The following XPA variants were observed in gnomAD, a reference collection of about 807,000 sequenced individuals.
XPA encodes the protein DNA repair protein complementing XP-A cells.
XPA carries 27 observed loss-of-function variants against 35.7 expected under a neutral mutation model. The observed-to-expected ratio is 0.76, with a 90% confidence interval of 0.56 to 1.04. The LOEUF is 1.04. Ranked by LOEUF, XPA falls within the 50% of genes least tolerant of loss-of-function variation. The probability of loss-of-function intolerance (pLI) is 0.00; values close to 1 mark genes in which losing one functional copy is unlikely to be tolerated. For synonymous variants in XPA, 133 were observed against 118.4 expected (o/e 1.12, Z -0.80); for missense variants, 354 against 342.7 (o/e 1.03, Z -0.26).
chr9:97,684,133 T>C (rs1189366997), intron 5 of XPA, among the ~76,000 whole-genome samples: 1 of 152,222 alleles, frequency 6.6e-6, no homozygotes, highest in Non-Finnish European at 1.5e-5. Context: ...ACTATCATGG[T>C]ACCTAGCACA....
At chr9:97,676,896 T>C (rs1054336226) in intron 5 of XPA, among the ~76,000 whole-genome samples, 1 of 152,222 alleles carries the variant, frequency 6.6e-6, no homozygotes, top group East Asian at 1.9e-4. Flanking sequence ...TCCTCTCATA[T>C]TCTGAAGACC....
chr9:97,666,394 A>T, the XPA span, among the ~76,000 whole-genome samples: 1 of 152,180 alleles, frequency 6.6e-6, no homozygotes, highest in Admixed American at 6.5e-5. Flanking sequence ...ATTTTGAGAA[A>T]ATTTCTACAC....
rs534037876 is a variant in XPA, at chr9:97,681,223, C to T, written c.673+3700G>A. On this transcript the variant is annotated intron_variant, in intron 5 of 5. Coordinates refer to ENST00000375128, the MANE Select transcript of XPA (RefSeq NM_000380.4). ...GGTAAATTTAAAAGACAACTAGCTG[C>T]GAGAGACAAGATACTTCTAAATACT... is the stretch of plus-strand genomic sequence containing the variant. 9.0e-4 allele frequency among the ~76,000 whole-genome samples: 137 copies of T among 152,132 alleles called. No individual in the cohort carries two copies. The South Asian group carries it at 0.026, about 29-fold the overall frequency.
rs1188847886 is a variant in XPA at position 97,675,570 on chromosome 9, T to TTAC, written c.688_690dup (p.Val230dup). The TTAC allele has an allele frequency of 1.9e-6, 3 of 1,614,034 alleles. No individual in the cohort carries two copies. The Admixed American group carries it at 5.0e-5, about 27-fold the overall frequency. ...GTCTCCCTTTTCCACACGCTGCTTC[T>TTAC]TACTGCTCGCCGCAATTCTGAAAAA... On this transcript the variant is annotated inframe_insertion, in exon 6 of 6. Transcript: ENST00000375128.
downstream of XPA, chr9:97,671,184 T>TG: frequency 6.2e-7 from 1 of 1,609,306 alleles, no homozygotes; most frequent in Non-Finnish European, 8.5e-7. Context: ...AGCAGTTCTG[T>TG]GCCCTGCAGG....
the XPA span, chr9:97,662,199 C>A: frequency 7.9e-7 from 1 of 1,259,530 alleles, no homozygotes; most frequent in Non-Finnish European, 1.2e-6. Flanking sequence ...TTGGTGAACA[C>A]CAGTGGTATG....
chr9:97,684,339 G>C (rs192623971), intron 5 of XPA, among the ~76,000 whole-genome samples: 1 of 152,196 alleles, frequency 6.6e-6, no homozygotes, highest in Non-Finnish European at 1.5e-5. Context: ...GCGATAGATG[G>C]ACAAGGGAAT....
At chr9:97,655,952 C>T in the XPA span, 13 of 1,490,100 alleles carry the variant, frequency 8.7e-6, no homozygotes, top group Admixed American at 7.0e-5. Flanking sequence ...AATTATAGTA[C>T]AAATGGGTGT....
the XPA span, among the ~76,000 whole-genome samples, chr9:97,667,580 A>T: frequency 6.6e-6 from 1 of 152,202 alleles, no homozygotes. Flanking sequence ...AAAGTGAGAC[A>T]TAGAGAAGTT....
chr9:97,677,317 T>C (rs945954538), intron 5 of XPA, among the ~76,000 whole-genome samples: 1 of 152,212 alleles, frequency 6.6e-6, no homozygotes, highest in Admixed American at 6.5e-5. Context: ...TATGTCAGGC[T>C]ATATAATGGT....
rs571488543 is a variant in XPA at position 97,693,034 on chromosome 9, A to G, written c.283+615T>C. 3.3e-5 allele frequency among the ~76,000 whole-genome samples: 5 copies of G among 151,824 alleles called. No homozygotes were observed. The East Asian group carries it at 9.7e-4, about 29-fold the overall frequency. On this transcript the variant is annotated intron_variant, in intron 2 of 5. Coordinates refer to ENST00000375128, the MANE Select transcript of XPA (RefSeq NM_000380.4). ...GCACAACACTTCTGTAGCTGCAACT[A>G]AAGACTGGAATAGGTCTTTTTTTTT...
At chr9:97,660,328 G>A in the XPA span, among the ~76,000 whole-genome samples, 2 of 151,992 alleles carry the variant, frequency 1.3e-5, no homozygotes, top group East Asian at 3.8e-4. Context: ...GATGCCTTAC[G>A]GTGTATATTA....
the XPA span, chr9:97,655,586 C>T: frequency 5.5e-6 from 4 of 721,592 alleles, no homozygotes; most frequent in East Asian, 8.2e-5. Flanking sequence ...GGGGAATATG[C>T]TTTTCATTAA....
chr9:97,688,143 G>A (rs915805681), intron 3 of XPA, among the ~76,000 whole-genome samples: 1 of 152,218 alleles, frequency 6.6e-6, no homozygotes, highest in African/African-American at 2.4e-5. Context: ...TCCTGATTAT[G>A]ATTAAATATA....
At position 97,689,526 on chromosome 9, in the gene XPA, A is replaced by G; in HGVS notation, c.389+8T>C. 6.4e-7 allele frequency: 1 copy of G among 1,574,516 alleles called. No homozygotes were observed. The highest frequency in any genetic ancestry group is 8.7e-7 in the Non-Finnish European group (1 of 1,144,222). On this transcript the variant is annotated splice_region_variant and intron_variant, in intron 3 of 5. Coordinates refer to ENST00000375128, the MANE Select transcript of XPA (RefSeq NM_000380.4). ...TTAGCAATTAAGAACACCATCTAAA[A>G]TAAGTACCTGCAGTTATCACAAGTT...
At chr9:97,693,787 A>G (rs372370800) in intron 1 of XPA, 28 bp from the exon 2 acceptor site, 90 of 1,601,540 alleles carry the variant, frequency 5.6e-5, no homozygotes, top group Non-Finnish European at 1.1e-5. Flanking sequence ...AGCAGTCAAC[A>G]ATTGAAGTAG....
intron 1 of XPA, among the ~76,000 whole-genome samples, chr9:97,695,010 G>A (rs1828999585): frequency 6.6e-6 from 1 of 152,192 alleles, no homozygotes; most frequent in Non-Finnish European, 1.5e-5. Flanking sequence ...ATGACTCAAT[G>A]TACATGAAGT....
intron 5 of XPA, among the ~76,000 whole-genome samples, chr9:97,677,339 C>A (rs766801361): frequency 1.3e-5 from 2 of 152,054 alleles, no homozygotes; most frequent in Admixed American, 1.3e-4. Context: ...AGAATAAAGC[C>A]ATATCTTTAA....
At chr9:97,661,559 C>G in the XPA span, among the ~76,000 whole-genome samples, 1 of 152,084 alleles carries the variant, frequency 6.6e-6, no homozygotes, top group Non-Finnish European at 1.5e-5. Context: ...AGAAAAACTA[C>G]TGAATCAAAA....
Sources: gnomAD v4.1 joint callset for allele counts (sites outside exome capture counted in the v4.1 genomes callset) on GRCh38, gnomAD v4.1.1 for gene constraint, MANE v1.5 for transcripts, NCBI Gene and HGNC (gene_info 2026-07-23, HGNC 2026-07-21) for gene names.